The following PIKFYVE variants were observed in gnomAD, a reference collection of about 807,000 sequenced individuals.
The protein encoded by PIKFYVE is phosphoinositide kinase, FYVE-type zinc finger containing, also known as 1-phosphatidylinositol 3-phosphate 5-kinase.
Under a neutral mutation model 257.9 loss-of-function variants are expected in PIKFYVE, and 122 were observed. The ratio of observed to expected loss-of-function variants is 0.47; its 90% CI spans 0.41 to 0.55. The LOEUF is 0.55. PIKFYVE is among the 20% of genes least tolerant of loss of function. The pLI is 0.00. For missense variants in PIKFYVE, 2,160 were observed against 2,536.6 expected (o/e 0.85, Z 3.19); for synonymous variants, 892 against 868.9 (o/e 1.03, Z -0.47).
chr2:208,269,750 T>C, intron 1 of PIKFYVE: 1 of 250,130 alleles, frequency 4.0e-6, no homozygotes, highest in South Asian at 6.4e-5. Context: ...AAGGCCACCT[T>C]GAACTCCTCC....
In PIKFYVE at chr2:208,326,379, G is replaced by A; in HGVS notation, c.3568G>A (p.Gly1190Ser). Reference sequence around the variant, plus strand: ...TGGCCAATCAGGAAGCAAAAATGAGGGTGATGAAGAGAGAGGGCTTATTCT... The same window carrying A: ...TGGCCAATCAGGAAGCAAAAATGAGAGTGATGAAGAGAGAGGGCTTATTCT... ...SSGQSGSKNE[G>S]DEERGLILSD... Residue 1190 changes from glycine to serine, a missense_variant, in exon 20 of 42, where the codon GGT (glycine) becomes AGT (serine). Coordinates refer to ENST00000264380, the MANE Select transcript of PIKFYVE (RefSeq NM_015040.4). The A allele has an allele frequency of 6.2e-7, 1 of 1,614,002 alleles. No homozygotes were observed. Among genetic ancestry groups the A allele is most frequent in the Non-Finnish European group, 8.5e-7 (1 of 1,179,962 alleles).
Position 208,355,277 on chromosome 2 carries a change from A to G in PIKFYVE, c.6269A>G (p.His2090Arg), listed in dbSNP as rs1308849812. ...AAGTATTTCCTAATGGTACCAGACCACTGGACAGGCTTGGGTCTGAATTGC... is the reference window on the plus strand; with the variant it reads ...AAGTATTTCCTAATGGTACCAGACCGCTGGACAGGCTTGGGTCTGAATTGC... ...MDKYFLMVPD[H>R]WTGLGLNC Residue 2090 changes from histidine to arginine, a missense_variant, in exon 42 of 42, where the codon CAC becomes CGC. His to Arg is a conservative substitution (Grantham distance 29). Around this residue, in one of 12 missense-constraint regions of PIKFYVE, gnomAD observed 38 missense variants for 77.7 expected, o/e 0.49. Coordinates refer to ENST00000264380, the MANE Select transcript of PIKFYVE (RefSeq NM_015040.4). 1.2e-6 allele frequency: 2 copies of G among 1,613,898 alleles called. No individual in the cohort carries two copies. The highest frequency in any genetic ancestry group is 1.7e-6 in the Non-Finnish European group (2 of 1,179,774).
At position 208,271,630 on chromosome 2, in the gene PIKFYVE, A is replaced by G. The variant is rs1348121863; in HGVS notation, c.111A>G (p.Gln37=). The G allele has an allele frequency of 1.2e-6, 2 of 1,614,138 alleles. No homozygotes were observed. The highest frequency in any genetic ancestry group is 2.2e-5 in the East Asian group (1 of 44,878). The change falls in exon 2 of 42, where the codon CAA becomes CAG. Residue 37 remains glutamine (Q), a synonymous_variant. Coordinates refer to ENST00000264380, the MANE Select transcript of PIKFYVE (RefSeq NM_015040.4). The part of the protein sequence containing the change: ...LTHFKPLTPD[Q]DEPPFKSAYS... ...ACTTTAAACCTTTGACTCCTGATCA[A>G]GATGAGCCCCCTTTTAAATCAGCTT...
intron 32 of PIKFYVE, among the ~76,000 whole-genome samples, chr2:208,342,905 C>T: frequency 6.6e-6 from 1 of 151,296 alleles, no homozygotes; most frequent in Non-Finnish European, 1.5e-5. Context: ...AGCAGTTCTC[C>T]TGCCTCAGCC....
Position 208,304,232 on chromosome 2 carries a change from A to G in PIKFYVE, c.1382A>G (p.His461Arg). ...GACTCAGTGAACTCCGTGGAAGGAC[A>G]CTCTGAGCCATCCTGGTTTAAAGAC... ...DSDSVNSVEG[H>R]SEPSWFKDIK... Residue 461 changes from histidine to arginine, a missense_variant, in exon 11 of 42, where the codon CAC (histidine) becomes CGC (arginine). Physicochemically the swap from His to Arg is conservative, Grantham distance 29. Coordinates refer to ENST00000264380, the MANE Select transcript of PIKFYVE (RefSeq NM_015040.4). 1 of 1,614,082 alleles carries G rather than the reference A, an allele frequency of 6.2e-7. No individual in the cohort carries two copies. The highest frequency in any genetic ancestry group is 8.5e-7 in the Non-Finnish European group (1 of 1,179,950).
chr2:208,301,202 T>C, intron 9 of PIKFYVE, 108 bp downstream of exon 9: 1 of 1,374,266 alleles, frequency 7.3e-7, no homozygotes, highest in South Asian at 1.3e-5. Context: ...GGGTGCTCTT[T>C]GTTTTATGTA....
At chr2:208,316,401 A>T (rs979936884) in intron 15 of PIKFYVE, among the ~76,000 whole-genome samples, 3 of 152,050 alleles carry the variant, frequency 2.0e-5, no homozygotes, top group African/African-American at 7.2e-5. Context: ...CAGTAATGGG[A>T]TGGCTGGGTC....
At chr2:208,320,473 T>G in intron 17 of PIKFYVE, 114 bp downstream of exon 17, 1 of 1,293,872 alleles carries the variant, frequency 7.7e-7, no homozygotes, top group Non-Finnish European at 1.1e-6. Flanking sequence ...ATAGGCAAAC[T>G]TGATAGCTTA....
At position 208,325,948 on chromosome 2, in the gene PIKFYVE, A is replaced by G; in HGVS notation, c.3137A>G (p.Lys1046Arg). The change falls in exon 20 of 42, where the codon AAG becomes AGG. Residue 1046 changes from lysine (K) to arginine (R), a missense_variant. Lys to Arg is a conservative substitution (Grantham distance 26). Around this residue, in one of 12 missense-constraint regions of PIKFYVE, gnomAD observed 522 missense variants for 514.6 expected, o/e 1.01. Coordinates refer to ENST00000264380, the MANE Select transcript of PIKFYVE (RefSeq NM_015040.4). ...CGAAAGACTTATTCTTTGGCCTTTA[A>G]GCAGGAATTAAAAGATGTGATCCTC... ...DKRKTYSLAF[K>R]QELKDVILCI... 3 of 1,614,104 alleles carry G rather than the reference A, an allele frequency of 1.9e-6. No individual in the cohort carries two copies. The highest frequency in any genetic ancestry group is 2.5e-6 in the Non-Finnish European group (3 of 1,179,956).
chr2:208,339,266 C>A, intron 29 of PIKFYVE, 152 bp from the exon 30 acceptor site: 1 of 820,740 alleles, frequency 1.2e-6, no homozygotes, highest in Non-Finnish European at 2.0e-6. Flanking sequence ...GTGTCCATTT[C>A]TATGACATGA....
Position 208,317,879 on chromosome 2 carries a change from A to G in PIKFYVE, c.2020A>G (p.Lys674Glu). ...FVHIKKIPGG[K>E]KFDSVVVNGF... ...ATTGTTCCATTAGATCCCAGGTGGA[A>G]AGAAGTTTGATTCTGTGGTTGTCAA... The change falls in exon 16 of 42, where the codon AAG (lysine) becomes GAG (glutamate). Residue 674 changes from lysine to glutamate, a missense_variant. By Grantham distance (56) the Lys-to-Glu change is moderately conservative. Transcript: ENST00000264380. The G allele has an allele frequency of 6.2e-7, 1 of 1,613,344 alleles. No homozygotes were observed. The highest frequency in any genetic ancestry group is 1.1e-5 in the South Asian group (1 of 91,072).
chr2:208,267,042 A>G (rs1688730437), intron 1 of PIKFYVE, among the ~76,000 whole-genome samples: 2 of 152,220 alleles, frequency 1.3e-5, no homozygotes, highest in South Asian at 4.1e-4. Flanking sequence ...CTGCCCAATC[A>G]GAGGTTATTC....
In PIKFYVE at chr2:208,355,737, C is replaced by T. The variant is rs889628467; in HGVS notation, c.*432C>T. 6.5e-6 allele frequency: 1 copy of T among 154,062 alleles called. No individual in the cohort carries two copies. Among genetic ancestry groups the T allele is most frequent in the Non-Finnish European group, 1.4e-5 (1 of 69,066 alleles). 9.5% of individuals were successfully genotyped at this position (154,062 alleles called of 1,614,324 possible). A position where few individuals can be genotyped will look rare whatever the true frequency, so the allele number is the denominator to read the frequency against. On this transcript the variant is annotated 3_prime_UTR_variant, in exon 42 of 42. Coordinates refer to ENST00000264380, the MANE Select transcript of PIKFYVE (RefSeq NM_015040.4). ...GCTGCTGAATTTGTTTTGTGTTTTTCTGTAATAATTTAATGTTACTTATTA... is the reference window on the plus strand; with the variant it reads ...GCTGCTGAATTTGTTTTGTGTTTTTTTGTAATAATTTAATGTTACTTATTA...
intron 17 of PIKFYVE, 134 bp downstream of exon 17, chr2:208,320,493 CTG>C: frequency 1.0e-6 from 1 of 987,216 alleles, no homozygotes; most frequent in Non-Finnish European, 1.5e-6. Flanking sequence ...ACCAAAACCT[CTG>C]TCACTCATTA....
At chr2:208,335,749 T>C (rs1698067951) in intron 25 of PIKFYVE, 44 bp from the exon 26 acceptor site, 1 of 1,417,310 alleles carries the variant, frequency 7.1e-7, no homozygotes, top group African/African-American at 1.4e-5. Context: ...ATAGAAAATT[T>C]GATTCACCCT....
intron 20 of PIKFYVE, among the ~76,000 whole-genome samples, chr2:208,327,921 G>C (rs560057568): frequency 2.4e-4 from 36 of 152,274 alleles, no homozygotes; most frequent in African/African-American, 8.7e-4. Context: ...GTGCAGTTGT[G>C]TAAAATAAAG....
chr2:208,287,347 C>T (rs1264330725), intron 6 of PIKFYVE, among the ~76,000 whole-genome samples: 1 of 150,194 alleles, frequency 6.7e-6, no homozygotes, highest in Non-Finnish European at 1.5e-5. Flanking sequence ...GATCTCGGCT[C>T]ACTGCAACCT....
chr2:208,303,377 C>T (rs911298858), intron 10 of PIKFYVE, among the ~76,000 whole-genome samples: 1 of 151,966 alleles, frequency 6.6e-6, no homozygotes, highest in African/African-American at 2.4e-5. Context: ...TGTTTGACTT[C>T]CCCAAAACTT....
rs761606646 is a variant in PIKFYVE, at chr2:208,339,428, C to T, written c.4683C>T (p.Phe1561=). 1.2e-6 allele frequency: 2 copies of T among 1,614,122 alleles called. No individual in the cohort carries two copies. Among genetic ancestry groups the T allele is most frequent in the South Asian group, 2.2e-5 (2 of 91,076 alleles). Residue 1561 remains phenylalanine (F), a synonymous_variant, in exon 30 of 42, where the codon TTC becomes TTT. Coordinates refer to ENST00000264380, the MANE Select transcript of PIKFYVE (RefSeq NM_015040.4). ...TGTGTTTTTCTTTAGAGGATCGCTT[C>T]TTAACAACTTTGTCCAGCCAGAGCT... ...GLQNGEKEDR[F]LTTLSSQSST...
Sources: allele counts gnomAD v4.1 joint callset (sites outside exome capture counted in the v4.1 genomes callset), GRCh38; gene constraint gnomAD v4.1.1; regional missense constraint gnomAD v4.1.1; transcripts MANE v1.5; gene names NCBI Gene and HGNC (gene_info 2026-07-23, HGNC 2026-07-21).